CNTNAP2: variants seen among roughly 807,000 people sequenced by gnomAD.
CNTNAP2 encodes the protein contactin-associated protein-like 2.
Under a neutral mutation model 155.2 loss-of-function variants are expected in CNTNAP2, and 98 were observed. The ratio of observed to expected loss-of-function variants is 0.63; its 90% CI spans 0.54 to 0.75. CNTNAP2 has a LOEUF of 0.75. CNTNAP2 is among the 30% of genes least tolerant of loss of function. The pLI, the probability that CNTNAP2 is intolerant of heterozygous loss-of-function variation, is 0.00. For missense variants in CNTNAP2, 1,727 were observed against 1,688.1 expected, an observed-to-expected ratio of 1.02 and a Z score of -0.40; for synonymous variants, 651 against 631.2, an observed-to-expected ratio of 1.03 and a Z score of -0.47.
intron 1 of CNTNAP2, among the ~76,000 whole-genome samples, chr7:146,410,526 G>C (rs1795850862): frequency 6.6e-6 from 1 of 152,026 alleles, no homozygotes; most frequent in Non-Finnish European, 1.5e-5. Flanking sequence ...TAAATTCAGG[G>C]GGAGACGTGC....
intron 13 of CNTNAP2, among the ~76,000 whole-genome samples, chr7:147,688,806 A>C (rs1053965166): frequency 6.6e-6 from 1 of 152,172 alleles, no homozygotes. Context: ...GCTGAATGTT[A>C]TAACTGTTAT....
At chr7:146,330,012 C>CT (rs748334732) in intron 1 of CNTNAP2, among the ~76,000 whole-genome samples, 2,485 of 74,774 alleles carry the variant, frequency 0.033, 659 homozygotes, top group African/African-American at 0.069. Flanking sequence ...CAAGTACTTT[C>CT]TTTTTTTTTT....
At chr7:147,021,082 A>C (rs923997297) in intron 3 of CNTNAP2, among the ~76,000 whole-genome samples, 1 of 152,158 alleles carries the variant, frequency 6.6e-6, no homozygotes, top group Admixed American at 6.5e-5. Flanking sequence ...GAGCATCCAA[A>C]AGTCCCAGAA....
intron 3 of CNTNAP2, among the ~76,000 whole-genome samples, chr7:146,995,782 C>T (rs9640489): frequency 0.94 from 142,641 of 152,230 alleles, 66,930 homozygotes; most frequent in East Asian, 1. Flanking sequence ...GTGTAGTTAA[C>T]CAGATGTATA....
intron 10 of CNTNAP2, among the ~76,000 whole-genome samples, chr7:147,451,426 A>G (rs537981866): frequency 6.6e-6 from 1 of 152,286 alleles, no homozygotes; most frequent in African/African-American, 2.4e-5. Context: ...ATTTCAGACA[A>G]CATAGCAACT....
intron 8 of CNTNAP2, among the ~76,000 whole-genome samples, chr7:147,154,993 C>T (rs34769190): frequency 1.2e-4 from 19 of 152,052 alleles, no homozygotes; most frequent in South Asian, 2.1e-4. Flanking sequence ...AAAAAGACAT[C>T]GGCAGACTGA....
intron 8 of CNTNAP2, among the ~76,000 whole-genome samples, chr7:147,212,615 G>GAA (rs954879722): frequency 1.5e-4 from 23 of 152,234 alleles, no homozygotes; most frequent in African/African-American, 4.3e-4. Context: ...GAGAAGTGTT[G>GAA]AAAAGCTGCC....
chr7:147,790,981 C>T (rs902600100), intron 13 of CNTNAP2, among the ~76,000 whole-genome samples: 69 of 152,272 alleles, frequency 4.5e-4, no homozygotes, highest in African/African-American at 1.6e-3. Flanking sequence ...TACAAGTATT[C>T]CTTGGAAGTT....
chr7:147,639,754 C>T (rs1226131482), intron 13 of CNTNAP2, among the ~76,000 whole-genome samples: 1 of 152,166 alleles, frequency 6.6e-6, no homozygotes, highest in Non-Finnish European at 1.5e-5. Context: ...CTTCACAGTA[C>T]CTGTTTGTCT....
intron 12 of CNTNAP2, among the ~76,000 whole-genome samples, chr7:147,623,043 C>A (rs1043574739): frequency 3.3e-5 from 5 of 152,006 alleles, no homozygotes; most frequent in African/African-American, 9.7e-5. Flanking sequence ...TAGACACATA[C>A]AACCTAGCAA....
chr7:147,853,350 C>T (rs749561763), intron 13 of CNTNAP2, among the ~76,000 whole-genome samples: 3 of 152,142 alleles, frequency 2.0e-5, no homozygotes, highest in South Asian at 2.1e-4. Flanking sequence ...ATGTCTTAAA[C>T]GGCCTGATTT....
rs58597648 is a variant in CNTNAP2, at chr7:147,787,009, A to AAGAG, written c.2099-116542_2099-116539dup. On this transcript the variant is annotated intron_variant, in intron 13 of 23. Coordinates refer to ENST00000361727, the MANE Select transcript of CNTNAP2 (RefSeq NM_014141.6). Reference sequence around the variant, plus strand: ...GGAGGGAGGGAGGAAGGGAGGGAAAAAGAGAGAGAGAGAGAGAAGACAAGA... The same window carrying AAGAG: ...GGAGGGAGGGAGGAAGGGAGGGAAAAAGAGAGAGAGAGAGAGAGAGAAGACAAGA... Among the ~76,000 whole-genome samples, 1,280 of 150,722 alleles carry AAGAG rather than the reference A, an allele frequency of 8.5e-3. 18 individuals are homozygous for AAGAG. Among genetic ancestry groups the AAGAG allele is most frequent in the African/African-American group, 0.029 (1,199 of 41,182 alleles).
chr7:147,917,180 TAAAC>T (rs1800175931), intron 14 of CNTNAP2, among the ~76,000 whole-genome samples: 1 of 152,226 alleles, frequency 6.6e-6, no homozygotes, highest in African/African-American at 2.4e-5. Flanking sequence ...CTGGAAAACT[TAAAC>T]TATTACTTAT....
At chr7:146,902,339 A>G (rs1796021097) in intron 3 of CNTNAP2, among the ~76,000 whole-genome samples, 1 of 152,166 alleles carries the variant, frequency 6.6e-6, no homozygotes, top group South Asian at 2.1e-4. Flanking sequence ...CTTTTGAAAT[A>G]TACTTTGTTT....
At chr7:146,173,518 G>A (rs13437662) in intron 1 of CNTNAP2, among the ~76,000 whole-genome samples, 48,675 of 151,518 alleles carry the variant, frequency 0.32, 9,492 homozygotes, top group African/African-American at 0.55. Flanking sequence ...ATATACATGC[G>A]TATTTTAGGG....
intron 8 of CNTNAP2, among the ~76,000 whole-genome samples, chr7:147,278,151 C>A (rs1804945493): frequency 6.6e-6 from 1 of 150,764 alleles, no homozygotes; most frequent in Admixed American, 6.6e-5. Flanking sequence ...AAAATAGCCT[C>A]CTACACTTCC....
rs944571678 is a variant in CNTNAP2 at position 148,150,995 on chromosome 7, C to T, written c.2773+3286C>T. On this transcript the variant is annotated intron_variant, in intron 17 of 23. Transcript: ENST00000361727. ...TCAGCCTCCCAAAGGGCCGGAATTA[C>T]AGGCATGAGCCACCATGCCTGGCCT... is the stretch of plus-strand genomic sequence containing the variant. Among the ~76,000 whole-genome samples the T allele has an allele frequency of 5.4e-4, 82 of 151,974 alleles. 1 individual carries two copies. Among genetic ancestry groups the T allele is most frequent in the African/African-American group, 1.8e-3 (73 of 41,408 alleles).
chr7:146,613,564 AAAG>A (rs1563156733), intron 1 of CNTNAP2, among the ~76,000 whole-genome samples: 2 of 151,906 alleles, frequency 1.3e-5, no homozygotes, highest in African/African-American at 2.4e-5. Context: ...AAGAGTAAAA[AAAG>A]ATAAAATTAA....
At chr7:146,619,683 G>A (rs1799286031) in intron 1 of CNTNAP2, among the ~76,000 whole-genome samples, 1 of 152,148 alleles carries the variant, frequency 6.6e-6, no homozygotes, top group Non-Finnish European at 1.5e-5. Flanking sequence ...TGTGAAACAA[G>A]TGGGTATGTA....
Sources: gnomAD v4.1 joint callset for allele counts (sites outside exome capture counted in the v4.1 genomes callset) on GRCh38, gnomAD v4.1.1 for gene constraint, MANE v1.5 for transcripts, NCBI Gene and HGNC (gene_info 2026-07-23, HGNC 2026-07-21) for gene names.